The following GLE1 variants were observed in gnomAD, a reference collection of about 807,000 sequenced individuals.
GLE1 encodes GLE1 RNA export mediator, also known as mRNA export factor GLE1.
GLE1 carries 78 observed loss-of-function variants against 97.3 expected under a neutral mutation model. The ratio of observed to expected loss-of-function variants is 0.80; its 90% CI spans 0.67 to 0.97. GLE1 has a LOEUF of 0.97. Among genes scored for constraint, GLE1 ranks in the 50% least tolerant of loss-of-function variants. GLE1 has a pLI of 0.00. For missense variants in GLE1, 753 were observed against 857.5 expected (o/e 0.88, Z 1.52); for synonymous variants, 302 against 313.4 (o/e 0.96, Z 0.39).
At position 128,508,946 on chromosome 9, in the gene GLE1, T is replaced by A. The variant is rs1171449169; in HGVS notation, c.170T>A (p.Leu57Gln). ...SYSGWVVEHV[L>Q]PHMQENQPLS... ...TCTGGATGGGTGGTAGAGCACGTCC[T>A]ACCCCATATGCAGGAGAACCAACCT... Residue 57 changes from leucine to glutamine, a missense_variant, in exon 2 of 16, where the codon CTA becomes CAA. Physicochemically the swap from Leu to Gln is moderately radical, Grantham distance 113. Coordinates refer to ENST00000309971, the MANE Select transcript of GLE1 (RefSeq NM_001003722.2). The A allele has an allele frequency of 1.2e-6, 2 of 1,611,710 alleles. No homozygotes were observed. The highest frequency in any genetic ancestry group is 1.7e-6 in the Non-Finnish European group (2 of 1,177,912).
chr9:128,508,884 A>G lies in GLE1; in HGVS notation c.108A>G (p.Leu36=). 1 of 1,583,762 alleles carries G rather than the reference A, an allele frequency of 6.3e-7. No individual in the cohort carries two copies. The highest frequency in any genetic ancestry group is 8.7e-7 in the Non-Finnish European group (1 of 1,152,352). The stretch of plus-strand genomic sequence containing the variant: ...CCTATTCTTTTCTCTAGGATGTTTT[A>G]GAAGAATGTATGTCTCTTCCCAAGC... ...RDWLLRREDV[L]EECMSLPKLS... is the part of the protein sequence containing the mutation. The change falls in exon 2 of 16, where the codon TTA becomes TTG. Residue 36 remains leucine, a synonymous_variant. Transcript: ENST00000309971.
At chr9:128,527,895 C>A (rs1179841668) in intron 9 of GLE1, among the ~76,000 whole-genome samples, 2 of 147,882 alleles carry the variant, frequency 1.4e-5, no homozygotes, top group Admixed American at 1.3e-4. Flanking sequence ...ACCCAGGAGG[C>A]GGAGATTGCA....
chr9:128,540,597 A>C (rs538218468), intron 15 of GLE1: 284 of 474,152 alleles, frequency 6.0e-4, no homozygotes, highest in African/African-American at 3.9e-3. Flanking sequence ...ATCTCCTCTC[A>C]TTAATATATA....
At chr9:128,514,740 C>T (rs1392771711) in intron 2 of GLE1, among the ~76,000 whole-genome samples, 1 of 152,130 alleles carries the variant, frequency 6.6e-6, no homozygotes, top group Non-Finnish European at 1.5e-5. Context: ...AGGGTTTCAC[C>T]ATGTTGGTCA....
intron 2 of GLE1, among the ~76,000 whole-genome samples, chr9:128,511,860 G>A (rs542788299): frequency 9.5e-4 from 144 of 152,140 alleles, no homozygotes; most frequent in South Asian, 3.3e-3. Context: ...CCCCCAGGCT[G>A]GAGTGCAATG....
intron 15 of GLE1, 86 bp downstream of exon 15, chr9:128,540,424 T>C (rs1328995334): frequency 1.2e-6 from 1 of 834,828 alleles, no homozygotes; most frequent in Non-Finnish European, 2.1e-6. Flanking sequence ...CTTCCGATGC[T>C]CTGATTGCAC....
intron 9 of GLE1, chr9:128,532,635 C>T: frequency 1.2e-6 from 1 of 817,804 alleles, no homozygotes; most frequent in Non-Finnish European, 1.5e-6. Context: ...TCTCATCTGT[C>T]CTCTCTACAT....
At position 128,539,609 on chromosome 9, in the gene GLE1, C is replaced by T. The variant is rs755846866; in HGVS notation, c.1882-7C>T. 3.4e-5 allele frequency: 54 copies of T among 1,610,570 alleles called. No homozygotes were observed. Among genetic ancestry groups the T allele is most frequent in the Non-Finnish European group, 4.4e-5 (52 of 1,176,960 alleles). Reference sequence around the variant, plus strand: ...TCTGCTCTGACAGTGCCTGTCTTTCCCTCTAGGTGTGTGGGAATGCCCTCA... The same window carrying T: ...TCTGCTCTGACAGTGCCTGTCTTTCTCTCTAGGTGTGTGGGAATGCCCTCA... On this transcript the variant is annotated splice_region_variant and splice_polypyrimidine_tract_variant and intron_variant, in intron 13 of 15. Transcript: ENST00000309971.
intron 6 of GLE1, 111 bp from the exon 7 acceptor site, chr9:128,525,081 G>A: frequency 1.3e-6 from 1 of 779,576 alleles, no homozygotes; most frequent in Middle Eastern, 2.2e-4. Flanking sequence ...TTCGTTGAAT[G>A]TGGATACTCC....
intron 7 of GLE1, among the ~76,000 whole-genome samples, 162 bp downstream of exon 7, chr9:128,525,585 T>A (rs527727351): frequency 5.9e-5 from 9 of 152,234 alleles, no homozygotes; most frequent in Admixed American, 2.0e-4. Flanking sequence ...GATTTACGAT[T>A]CCAACACTTT....
At chr9:128,526,135 C>A (rs919153513) in intron 7 of GLE1, among the ~76,000 whole-genome samples, 3 of 151,102 alleles carry the variant, frequency 2.0e-5, no homozygotes, top group Non-Finnish European at 4.4e-5. Flanking sequence ...AATTCTCCTG[C>A]CTCAGCCTCC....
Position 128,525,260 on chromosome 9 carries a change from G to T in GLE1, c.966G>T (p.Leu322=). The part of the protein sequence containing the change: ...ERALREMRDL[L]MNLGQEITRA... ...CTCTGCGGGAAATGCGGGACCTCCT[G>T]ATGAACTTGGGGCAGGAGATCACCA... The change falls in exon 7 of 16, where the codon CTG becomes CTT. Residue 322 remains leucine, a synonymous_variant. Transcript: ENST00000309971. 1 of 1,614,200 alleles carries T rather than the reference G, an allele frequency of 6.2e-7. No individual in the cohort carries two copies. The highest frequency in any genetic ancestry group is 8.5e-7 in the Non-Finnish European group (1 of 1,180,024).
At position 128,508,933 on chromosome 9, in the gene GLE1, G is replaced by C; in HGVS notation, c.157G>C (p.Val53Leu). ...GCTATCTTCTTATTCTGGATGGGTG[G>C]TAGAGCACGTCCTACCCCATATGCA... Reference protein sequence around the residue: ...PKLSSYSGWVVEHVLPHMQEN... With the variant: ...PKLSSYSGWVLEHVLPHMQEN... Residue 53 changes from valine (V) to leucine (L), a missense_variant, in exon 2 of 16, where the codon GTA (valine) becomes CTA (leucine). By Grantham distance (32) the Val-to-Leu change is conservative. Transcript: ENST00000309971. 6.2e-7 allele frequency: 1 copy of C among 1,612,036 alleles called. No individual in the cohort carries two copies. The highest frequency in any genetic ancestry group is 1.7e-4 in the Middle Eastern group (1 of 6,058).
chr9:128,531,366 A>G (rs906831822), intron 9 of GLE1, among the ~76,000 whole-genome samples: 1 of 151,370 alleles, frequency 6.6e-6, no homozygotes, highest in Non-Finnish European at 1.5e-5. Flanking sequence ...CATCTCTACT[A>G]AAATACAAAT....
chr9:128,516,692 T>C (rs1287590393), intron 3 of GLE1, among the ~76,000 whole-genome samples: 1 of 151,576 alleles, frequency 6.6e-6, no homozygotes, highest in Non-Finnish European at 1.5e-5. Flanking sequence ...TGGTGCAATC[T>C]TGGCTCACTG....
intron 10 of GLE1, 33 bp downstream of exon 10, chr9:128,533,688 C>T (rs1461334210): frequency 1.2e-6 from 2 of 1,612,754 alleles, no homozygotes; most frequent in African/African-American, 1.3e-5. Context: ...GTATGGGAAG[C>T]AGAGGCTGGT....
chr9:128,530,086 G>C (rs1847444408), intron 9 of GLE1, among the ~76,000 whole-genome samples: 1 of 152,100 alleles, frequency 6.6e-6, no homozygotes, highest in African/African-American at 2.4e-5. Context: ...ATGAGCCACT[G>C]TGCCCGGCTG....
At chr9:128,518,098 AT>A (rs1435002737) in intron 3 of GLE1, among the ~76,000 whole-genome samples, 1 of 151,784 alleles carries the variant, frequency 6.6e-6, no homozygotes, top group Non-Finnish European at 1.5e-5. Context: ...TCCCATACTG[AT>A]TAGCTGTTTC....
intron 13 of GLE1, among the ~76,000 whole-genome samples, chr9:128,538,727 ACT>A (rs1001508338): frequency 3.3e-5 from 5 of 151,866 alleles, no homozygotes; most frequent in Admixed American, 6.6e-5. Flanking sequence ...ACAGGATCTC[ACT>A]CTGTCAGCCA....
Sources: allele counts gnomAD v4.1 joint callset (sites outside exome capture counted in the v4.1 genomes callset), GRCh38; gene constraint gnomAD v4.1.1; transcripts MANE v1.5; gene names NCBI Gene and HGNC (gene_info 2026-07-23, HGNC 2026-07-21).